The following ADAMTSL2 variants were observed in gnomAD, a reference collection of about 807,000 sequenced individuals.
ADAMTSL2 encodes ADAMTS like 2.
A neutral mutation model predicts 117.0 loss-of-function variants in ADAMTSL2; 55 were observed. That is an observed-to-expected ratio of 0.47 (90% CI 0.38 to 0.59). The LOEUF (loss-of-function observed/expected upper bound fraction) is 0.59. Ranked by LOEUF, ADAMTSL2 falls within the 20% of genes least tolerant of loss-of-function variation. The pLI is 0.00. For synonymous variants in ADAMTSL2, 572 were observed against 566.4 expected, an observed-to-expected ratio of 1.01 and a Z score of -0.14; for missense variants, 1,182 against 1,354.5, an observed-to-expected ratio of 0.87 and a Z score of 2.00.
chr9:133,563,826 A>G (rs1588301889), intron 12 of ADAMTSL2, among the ~76,000 whole-genome samples: 1 of 87,806 alleles, frequency 1.1e-5, no homozygotes, highest in African/African-American at 4.7e-5. Context: ...GGGGAGAGAG[A>G]GAGAGAGAGA....
At chr9:133,561,483 A>G (rs1830726988) in intron 12 of ADAMTSL2, among the ~76,000 whole-genome samples, 188 bp downstream of exon 12, 1 of 152,090 alleles carries the variant, frequency 6.6e-6, no homozygotes, top group Non-Finnish European at 1.5e-5. Context: ...GGCCACCCTC[A>G]TTCTCACAGT....
intron 8 of ADAMTSL2, 95 bp from the exon 9 acceptor site, chr9:133,546,943 G>A: frequency 7.6e-7 from 1 of 1,310,706 alleles, no homozygotes; most frequent in South Asian, 1.2e-5. Context: ...CCGGGGTTCT[G>A]GAGGGCAGGG....
rs1830591833 is a variant in ADAMTSL2 at position 133,555,747 on chromosome 9, G to A, written c.1466G>A (p.Ser489Asn). 5.0e-6 allele frequency: 8 copies of A among 1,613,932 alleles called. No individual in the cohort carries two copies. Among genetic ancestry groups the A allele is most frequent in the Non-Finnish European group, 6.8e-6 (8 of 1,180,056 alleles). Residue 489 changes from serine to asparagine, a missense_variant, in exon 11 of 19, where the codon AGC (serine) becomes AAC (asparagine). Ser to Asn is a conservative substitution (Grantham distance 46). Around this residue, in one of 3 missense-constraint regions of ADAMTSL2, gnomAD observed 345 missense variants for 325.8 expected, o/e 1.06. Coordinates refer to ENST00000651351, the MANE Select transcript of ADAMTSL2 (RefSeq NM_014694.4). ...NSIFAQGAPR[S>N]SLAESFFVDY... ...ATCTTTGCACAGGGCGCCCCAAGGA[G>A]CTCCCTGGCCGAGAGCTTCTTCGTG...
intron 4 of ADAMTSL2, 129 bp from the exon 5 acceptor site, chr9:133,539,642 G>A (rs565390327): frequency 1.2e-3 from 122 of 102,570 alleles, no homozygotes; most frequent in African/African-American, 9.5e-3. Context: ...CCCGTGGGCC[G>A]TGGCCCCCGC....
chr9:133,536,894 G>A, intron 2 of ADAMTSL2, 92 bp downstream of exon 2: 1 of 1,581,334 alleles, frequency 6.3e-7, no homozygotes, highest in Non-Finnish European at 8.6e-7. Context: ...AGGGAGCCGT[G>A]TGGGCACGTG....
intron 12 of ADAMTSL2, among the ~76,000 whole-genome samples, chr9:133,562,741 G>T (rs1479591680): frequency 7.2e-6 from 1 of 137,994 alleles, no homozygotes; most frequent in Non-Finnish European, 1.6e-5. Context: ...CGTGGGCGGC[G>T]TGGTGGGCAC....
In ADAMTSL2 at chr9:133,553,087, C is replaced by T. The variant is rs1010808369; in HGVS notation, c.940-1270C>T. ...GGCAGGCCAGCTCCTGTGGGAGGCCCGCGTGGCCGTGAAGGCAGAGGTCTC... is the reference window on the plus strand; with the variant it reads ...GGCAGGCCAGCTCCTGTGGGAGGCCTGCGTGGCCGTGAAGGCAGAGGTCTC... On this transcript the variant is annotated intron_variant, in intron 9 of 18. Transcript: ENST00000651351. Among the ~76,000 whole-genome samples, 36 of 152,206 alleles carry T rather than the reference C, an allele frequency of 2.4e-4. No homozygotes were observed. The Middle Eastern group carries it at 0.014, about 58-fold the overall frequency.
At chr9:133,545,345 C>G (rs543784790) in intron 8 of ADAMTSL2, among the ~76,000 whole-genome samples, 5 of 152,214 alleles carry the variant, frequency 3.3e-5, no homozygotes, top group Admixed American at 1.3e-4. Flanking sequence ...TTACTCCCCC[C>G]ACTGCCTCCC....
chr9:133,561,160 A>T lies in ADAMTSL2; in HGVS notation c.1650-38A>T, dbSNP rs1830718697. 4 of 1,544,934 alleles carry T rather than the reference A, an allele frequency of 2.6e-6. No individual in the cohort carries two copies. The Admixed American group carries it at 5.6e-5, about 22-fold the overall frequency. ...GCCGGAGCCTGCCGGTGGGGCCTGG[A>T]GCGTCTCATCACCTTCCCTGCTTGG... On this transcript the variant is annotated intron_variant, in intron 11 of 18. Coordinates refer to ENST00000651351, the MANE Select transcript of ADAMTSL2 (RefSeq NM_014694.4).
chr9:133,539,653 A>ACAGCTGTCCCGGCTGTCC lies in ADAMTSL2; in HGVS notation c.310-117_310-116insAGCTGTCCCGGCTGTCCC, dbSNP rs66934938. ...CCACCCCGTGGGCCGTGGCCCCCGC[A>ACAGCTGTCCCGGCTGTCC]CGGCTGTCCCGGCTGTCCCGGCTGT... On this transcript the variant is annotated intron_variant, in intron 4 of 18. Transcript: ENST00000651351. 1.6e-4 allele frequency: 109 copies of ACAGCTGTCCCGGCTGTCC among 687,886 alleles called. No individual in the cohort carries two copies. The South Asian group carries it at 1.8e-3, about 11-fold the overall frequency. 42.6% of individuals were successfully genotyped at this position (687,886 alleles called of 1,614,324 possible). A position where few individuals can be genotyped will look rare whatever the true frequency, so the allele number is the denominator to read the frequency against.
chr9:133,552,938 C>T lies in ADAMTSL2; in HGVS notation c.940-1419C>T, dbSNP rs991455834. Among the ~76,000 whole-genome samples, 390 of 152,322 alleles carry T rather than the reference C, an allele frequency of 2.6e-3. 1 individual carries two copies. The highest frequency in any genetic ancestry group is 9.2e-3 in the African/African-American group (381 of 41,580). ...AACTTCTTTGTCATGAGAGGATGCA[C>T]CCAGCAGTTCCTGAGGGCTGGTCCT... On this transcript the variant is annotated intron_variant, in intron 9 of 18. Coordinates refer to ENST00000651351, the MANE Select transcript of ADAMTSL2 (RefSeq NM_014694.4).
intron 13 of ADAMTSL2, 64 bp downstream of exon 13, chr9:133,567,126 G>A (rs1347287082): frequency 1.9e-6 from 3 of 1,554,936 alleles, no homozygotes; most frequent in Admixed American, 1.9e-5. Context: ...CTGCCCAAAG[G>A]AGCAGTCAGA....
chr9:133,559,436 C>T (rs1830678134), intron 11 of ADAMTSL2, among the ~76,000 whole-genome samples: 1 of 146,740 alleles, frequency 6.8e-6, no homozygotes, highest in South Asian at 2.2e-4. Flanking sequence ...CTCTGCCTCC[C>T]AGGTTCATGC....
intron 12 of ADAMTSL2, 97 bp downstream of exon 12, chr9:133,561,392 C>G (rs1830724659): frequency 1.8e-6 from 2 of 1,131,014 alleles, no homozygotes; most frequent in Admixed American, 4.0e-5. Context: ...CTTGCAGCCC[C>G]CAAACTGCCC....
At chr9:133,566,423 G>A (rs1479751784) in intron 12 of ADAMTSL2, among the ~76,000 whole-genome samples, 2 of 152,174 alleles carry the variant, frequency 1.3e-5, no homozygotes, top group Non-Finnish European at 2.9e-5. Context: ...CCTGGGCCAC[G>A]GAGTGAGGCT....
intron 12 of ADAMTSL2, among the ~76,000 whole-genome samples, chr9:133,564,625 G>GGAGAGAGAGAGGGA (rs1830909674): frequency 1.9e-4 from 4 of 20,674 alleles, no homozygotes; most frequent in African/African-American, 7.9e-4. Context: ...AGAGAGAGAG[G>GGAGAGAGAGAGGGA]GAGAGAGAGA....
In ADAMTSL2 at chr9:133,574,964, C is replaced by A; in HGVS notation, c.*100C>A. The A allele has an allele frequency of 1.1e-6, 1 of 911,486 alleles. No individual in the cohort carries two copies. The highest frequency in any genetic ancestry group is 1.8e-6 in the Non-Finnish European group (1 of 558,046). 56.5% of individuals were successfully genotyped at this position (911,486 alleles called of 1,614,324 possible). On this transcript the variant is annotated 3_prime_UTR_variant, in exon 19 of 19. Transcript: ENST00000651351. ...ACAGACCCCCCTCCTGCGGGGCACG[C>A]TGGCCTAAGAGACGTGGCACTGAGC...
In ADAMTSL2 at chr9:133,566,948, C is replaced by T. The variant is rs1278049723; in HGVS notation, c.1760C>T (p.Ala587Val). 7.1e-5 allele frequency: 114 copies of T among 1,608,266 alleles called. No individual in the cohort carries two copies. Among genetic ancestry groups the T allele is most frequent in the Admixed American group, 1.7e-4 (10 of 59,464 alleles). The change falls in exon 13 of 19, where the codon GCG becomes GTG. Residue 587 changes from alanine to valine, a missense_variant. Ala to Val is a moderately conservative substitution (Grantham distance 64, BLOSUM62 0). This residue lies in a region of ADAMTSL2 where 465 missense variants were observed against 565.3 expected (regional missense o/e 0.82). Coordinates refer to ENST00000651351, the MANE Select transcript of ADAMTSL2 (RefSeq NM_014694.4). ...SATCTTGVMS[A>V]YAMCVRYDGV... The stretch of plus-strand genomic sequence containing the variant: ...GTCCCCAACCCAGGGGTCATGTCTG[C>T]GTACGCCATGTGTGTCCGCTATGAT...
chr9:133,536,785 G>T lies in ADAMTSL2; in HGVS notation c.73G>T (p.Val25Leu), dbSNP rs777512904. The T allele has an allele frequency of 1.3e-5, 21 of 1,614,048 alleles. No homozygotes were observed. The African/African-American group carries it at 2.8e-4, about 22-fold the overall frequency. ...TCTGGCAGTTGTAGCTGGGGACACA[G>T]TGTCAACCGGGTCCACGGTGAGTGG... ...LVLAVVAGDT[V>L]STGSTDNSPT... The change falls in exon 2 of 19, where the codon GTG (valine) becomes TTG (leucine). Residue 25 changes from valine (V) to leucine (L), a missense_variant. Transcript: ENST00000651351.
Sources: gnomAD v4.1 joint callset for allele counts (sites outside exome capture counted in the v4.1 genomes callset) on GRCh38, gnomAD v4.1.1 for gene constraint, gnomAD v4.1.1 regional missense constraint, MANE v1.5 for transcripts, NCBI Gene and HGNC (gene_info 2026-07-23, HGNC 2026-07-21) for gene names.